The following HS3ST4 variants were observed in gnomAD, a reference collection of about 807,000 sequenced individuals.
HS3ST4 encodes heparan sulfate-glucosamine 3-sulfotransferase 4, also known as heparan sulfate glucosamine 3-O-sulfotransferase 4.
A neutral mutation model predicts 29.2 loss-of-function variants in HS3ST4; 17 were observed. That is an observed-to-expected ratio of 0.58 (90% CI 0.40 to 0.87). The LOEUF (loss-of-function observed/expected upper bound fraction) is 0.87, where lower values mean the gene tolerates loss of function less well. HS3ST4 is among the 40% of genes least tolerant of loss of function. The pLI is 0.00. For missense variants in HS3ST4, 627 were observed against 634.5 expected, an observed-to-expected ratio of 0.99 and a Z score of 0.13; for synonymous variants, 314 against 285.7, an observed-to-expected ratio of 1.10 and a Z score of -1.00.
chr16:25,748,636 T>G (rs1159572166), intron 1 of HS3ST4, among the ~76,000 whole-genome samples: 2 of 152,130 alleles, frequency 1.3e-5, no homozygotes, highest in Non-Finnish European at 2.9e-5. Flanking sequence ...CAATTTTCTA[T>G]GCAAAAAGGG....
intron 1 of HS3ST4, among the ~76,000 whole-genome samples, chr16:26,010,690 G>C (rs1040031192): frequency 6.6e-6 from 1 of 152,054 alleles, no homozygotes; most frequent in Non-Finnish European, 1.5e-5. Context: ...GATGTTCTGC[G>C]TAGCACTTAG....
intron 1 of HS3ST4, among the ~76,000 whole-genome samples, chr16:25,850,920 C>A (rs1967514392): frequency 6.6e-6 from 1 of 152,188 alleles, no homozygotes; most frequent in Non-Finnish European, 1.5e-5. Context: ...TAAGGCGATA[C>A]TGTGTCTGTT....
chr16:26,001,162 A>G (rs1969208531), intron 1 of HS3ST4, among the ~76,000 whole-genome samples: 1 of 152,160 alleles, frequency 6.6e-6, no homozygotes, highest in African/African-American at 2.4e-5. Context: ...TGGAATTTGG[A>G]CAGTAAATTA....
chr16:25,921,771 T>C (rs1968357262), intron 1 of HS3ST4, among the ~76,000 whole-genome samples: 1 of 151,844 alleles, frequency 6.6e-6, no homozygotes, highest in Non-Finnish European at 1.5e-5. Context: ...TTTTTTTTTT[T>C]TGAGACAGGG....
At chr16:26,053,548 G>A (rs1260517796) in intron 1 of HS3ST4, among the ~76,000 whole-genome samples, 4 of 152,128 alleles carry the variant, frequency 2.6e-5, no homozygotes, top group African/African-American at 4.8e-5. Context: ...CCAAATTTAA[G>A]ACTTCAGGAA....
chr16:25,857,985 T>TTCTG (rs912231436), intron 1 of HS3ST4, among the ~76,000 whole-genome samples: 14 of 148,862 alleles, frequency 9.4e-5, no homozygotes, highest in Non-Finnish European at 1.3e-4. Context: ...TTTTCTGTCT[T>TTCTG]TCTTTTTCTT....
At chr16:25,805,869 CG>C (rs1966985601) in intron 1 of HS3ST4, among the ~76,000 whole-genome samples, 1 of 151,994 alleles carries the variant, frequency 6.6e-6, no homozygotes, top group African/African-American at 2.4e-5. Flanking sequence ...CCCCACTCCC[CG>C]ACGGGCCCCA....
Position 26,089,611 on chromosome 16 carries a change from G to A in HS3ST4, c.735-46001G>A, listed in dbSNP as rs138457347. Among the ~76,000 whole-genome samples the A allele has an allele frequency of 4.2e-3, 632 of 152,270 alleles. 8 individuals carry two copies. The highest frequency in any genetic ancestry group is 0.015 in the African/African-American group (603 of 41,542). ...TTGCTCTGTTAGCATTCGCACACTT[G>A]GTCTTATTTAATCCCACAGGCAGAG... On this transcript the variant is annotated intron_variant, in intron 1 of 1. Coordinates refer to ENST00000331351, the MANE Select transcript of HS3ST4 (RefSeq NM_006040.3).
intron 1 of HS3ST4, among the ~76,000 whole-genome samples, chr16:25,805,733 ATGTGCAGGG>A (rs1409985293): frequency 6.6e-6 from 1 of 152,194 alleles, no homozygotes; most frequent in Non-Finnish European, 1.5e-5. Flanking sequence ...TCTGGGGTAC[ATGTGCAGGG>A]TGTGCAGGTT....
At chr16:25,757,292 A>T (rs1422206422) in intron 1 of HS3ST4, among the ~76,000 whole-genome samples, 1 of 152,162 alleles carries the variant, frequency 6.6e-6, no homozygotes, top group African/African-American at 2.4e-5. Flanking sequence ...TGAGATCTCC[A>T]GCTTTGTTCT....
chr16:25,740,510 A>G (rs894532604), intron 1 of HS3ST4, among the ~76,000 whole-genome samples: 7 of 152,234 alleles, frequency 4.6e-5, no homozygotes, highest in Admixed American at 4.6e-4. Context: ...AACTTGATCC[A>G]GGTGAGACGA....
intron 1 of HS3ST4, among the ~76,000 whole-genome samples, chr16:25,718,287 G>C (rs1383920191): frequency 1.3e-5 from 2 of 152,194 alleles, no homozygotes; most frequent in Non-Finnish European, 2.9e-5. Flanking sequence ...TGTGGTAACA[G>C]TGTTGATGCA....
chr16:25,841,728 A>G (rs1383183883), intron 1 of HS3ST4, among the ~76,000 whole-genome samples: 1 of 152,178 alleles, frequency 6.6e-6, no homozygotes, highest in Non-Finnish European at 1.5e-5. Flanking sequence ...ATTGTCTTCC[A>G]GTCTATGAGT....
intron 1 of HS3ST4, among the ~76,000 whole-genome samples, chr16:25,975,165 C>T (rs898847384): frequency 3.3e-5 from 5 of 152,012 alleles, no homozygotes; most frequent in South Asian, 4.2e-4. Context: ...CTGGAGGCCA[C>T]GATCCCATGC....
chr16:25,948,221 C>T (rs1968649018), intron 1 of HS3ST4, among the ~76,000 whole-genome samples: 1 of 152,094 alleles, frequency 6.6e-6, no homozygotes, highest in Non-Finnish European at 1.5e-5. Flanking sequence ...GAGGCAACAG[C>T]CCATAACCAA....
At chr16:26,097,838 A>C (rs1186380620) in intron 1 of HS3ST4, among the ~76,000 whole-genome samples, 1 of 152,180 alleles carries the variant, frequency 6.6e-6, no homozygotes, top group Non-Finnish European at 1.5e-5. Context: ...TACCCATCTG[A>C]CAAAGGCCTA....
intron 1 of HS3ST4, among the ~76,000 whole-genome samples, chr16:26,008,010 G>C (rs185705252): frequency 1.1e-3 from 164 of 152,078 alleles, no homozygotes; most frequent in Admixed American, 0.011. Flanking sequence ...TAGTATAAGG[G>C]AGCCAGAGAT....
At chr16:26,037,116 A>G (rs1032298229) in intron 1 of HS3ST4, among the ~76,000 whole-genome samples, 2 of 152,180 alleles carry the variant, frequency 1.3e-5, no homozygotes, top group Non-Finnish European at 2.9e-5. Context: ...AGCTCAGCCT[A>G]CTTGGGTAGA....
At chr16:25,746,729 CTT>C (rs1308407311) in intron 1 of HS3ST4, among the ~76,000 whole-genome samples, 4 of 151,468 alleles carry the variant, frequency 2.6e-5, no homozygotes, top group Non-Finnish European at 5.9e-5. Context: ...TTTTTTGTAT[CTT>C]TAGTAGAGAC....
Sources: allele counts gnomAD v4.1 joint callset (sites outside exome capture counted in the v4.1 genomes callset), GRCh38; gene constraint gnomAD v4.1.1; transcripts MANE v1.5; gene names NCBI Gene and HGNC (gene_info 2026-07-23, HGNC 2026-07-21).